The following DNAI1 variants were observed in gnomAD, a reference collection of about 807,000 sequenced individuals.
DNAI1 encodes the protein dynein, axonemal, intermediate polypeptide 1.
DNAI1 carries 67 observed loss-of-function variants against 92.0 expected under a neutral mutation model. The ratio of observed to expected loss-of-function variants is 0.73; its 90% CI spans 0.60 to 0.89. The LOEUF (loss-of-function observed/expected upper bound fraction) is 0.89, where lower values mean the gene tolerates loss of function less well. DNAI1 is among the 40% of genes least tolerant of loss of function. The pLI, the probability that DNAI1 is intolerant of heterozygous loss-of-function variation, is 0.00. For synonymous variants in DNAI1, 323 were observed against 319.6 expected, an observed-to-expected ratio of 1.01 and a Z score of -0.11; for missense variants, 839 against 866.6, an observed-to-expected ratio of 0.97 and a Z score of 0.40.
Position 34,500,760 on chromosome 9 carries a change from G to A in DNAI1, c.940G>A (p.Asp314Asn). The change falls in exon 11 of 20, where the codon GAC becomes AAC. Residue 314 changes from aspartate (D) to asparagine (N), a missense_variant. Coordinates refer to ENST00000242317, the MANE Select transcript of DNAI1 (RefSeq NM_012144.4). ...YYDDAADEYR[D>N]QVGTLLPLWK... ...TGACGATGCTGCTGATGAATACCGGGACCAGGTGGGTACCCTGCTGCCGCT... is the reference window on the plus strand; with the variant it reads ...TGACGATGCTGCTGATGAATACCGGAACCAGGTGGGTACCCTGCTGCCGCT... The A allele has an allele frequency of 2.5e-6, 4 of 1,614,020 alleles. No homozygotes were observed. Among genetic ancestry groups the A allele is most frequent in the South Asian group, 2.2e-5 (2 of 91,058 alleles).
chr9:34,467,694 G>T (rs1475958775), intron 1 of DNAI1, among the ~76,000 whole-genome samples: 4 of 150,444 alleles, frequency 2.7e-5, no homozygotes, highest in Non-Finnish European at 5.9e-5. Flanking sequence ...TGATTTAGGG[G>T]ATTTATATTC....
intron 13 of DNAI1, 100 bp downstream of exon 13, chr9:34,506,974 GGA>G: frequency 6.6e-7 from 1 of 1,518,048 alleles, no homozygotes; most frequent in African/African-American, 1.4e-5. Context: ...CCACAGGCAA[GGA>G]GATGAGGATG....
intron 10 of DNAI1, 87 bp from the exon 11 acceptor site, chr9:34,500,635 C>T (rs2132071863): frequency 1.2e-6 from 1 of 850,404 alleles, no homozygotes; most frequent in Non-Finnish European, 2.0e-6. Flanking sequence ...CATTGTTTTG[C>T]CCAAGGAGGT....
chr9:34,477,922 CTCTTT>C (rs540729483), intron 1 of DNAI1, among the ~76,000 whole-genome samples: 7,611 of 86,478 alleles, frequency 0.088, 181 homozygotes, highest in Non-Finnish European at 0.092. Flanking sequence ...CTCTCTCTCT[CTCTTT>C]TTTTTTTTTT....
chr9:34,489,572 G>C lies in DNAI1; in HGVS notation c.388+123G>C, dbSNP rs539659348. The C allele has an allele frequency of 4.9e-6, 6 of 1,234,814 alleles. No individual in the cohort carries two copies. The African/African-American group carries it at 8.9e-5, about 18-fold the overall frequency. The allele number at this position is 1,234,814 out of a possible 1,614,324, so 76.5% of individuals were successfully genotyped here. On this transcript the variant is annotated intron_variant, in intron 5 of 19. Transcript: ENST00000242317. ...CTTCTGCTAACATAAACTCCAGGCC[G>C]GGCAGGGTGGTTCTTGCCTATAATC...
intron 9 of DNAI1, among the ~76,000 whole-genome samples, chr9:34,493,827 T>A (rs375513804): frequency 6.6e-6 from 1 of 152,102 alleles, no homozygotes; most frequent in Non-Finnish European, 1.5e-5. Flanking sequence ...GCTAGGCCAA[T>A]GGATTTGGCC....
chr9:34,468,795 C>T (rs549780184), intron 1 of DNAI1, among the ~76,000 whole-genome samples: 1 of 149,912 alleles, frequency 6.7e-6, no homozygotes, highest in Non-Finnish European at 1.5e-5. Flanking sequence ...CACTGCAAAG[C>T]AGTCTGGGTG....
Position 34,506,827 on chromosome 9 carries a change from T to C in DNAI1, c.1264T>C (p.Phe422Leu), listed in dbSNP as rs1256336794. The C allele has an allele frequency of 8.1e-6, 13 of 1,612,660 alleles. No individual in the cohort carries two copies. In the Middle Eastern group the frequency reaches 6.6e-4, roughly 82 times the overall value. The part of the protein sequence containing the change: ...NLKKPHSQPS[F>L]CSSAKSGKHS... ...CAAGAAGCCCCACTCCCAGCCCTCCTTCTGCAGCTCAGCCAAGTCTGGCAA... is the reference window on the plus strand; with the variant it reads ...CAAGAAGCCCCACTCCCAGCCCTCCCTCTGCAGCTCAGCCAAGTCTGGCAA... The change falls in exon 13 of 20, where the codon TTC (phenylalanine) becomes CTC (leucine). Residue 422 changes from phenylalanine (F) to leucine (L), a missense_variant. Coordinates refer to ENST00000242317, the MANE Select transcript of DNAI1 (RefSeq NM_012144.4).
rs1011251000 is a variant in DNAI1, at chr9:34,513,017, G to C, written c.1490-95G>C. The C allele has an allele frequency of 4.0e-6, 4 of 989,634 alleles. No homozygotes were observed. In the African/African-American group the frequency reaches 6.4e-5, roughly 16 times the overall value. 61.3% of individuals were successfully genotyped at this position (989,634 alleles called of 1,614,324 possible). A position where few individuals can be genotyped will look rare whatever the true frequency, so the allele number is the denominator to read the frequency against. ...TGTCCTGCGCTGAGTCCTGCGCTGA[G>C]AGTGCCTGGGCTGAGCTCCTCTGCT... On this transcript the variant is annotated intron_variant, in intron 15 of 19. Coordinates refer to ENST00000242317, the MANE Select transcript of DNAI1 (RefSeq NM_012144.4).
At position 34,493,224 on chromosome 9, in the gene DNAI1, C is replaced by G. The variant is rs1275461623; in HGVS notation, c.712C>G (p.Leu238Val). The G allele has an allele frequency of 3.1e-6, 5 of 1,614,154 alleles. No individual in the cohort carries two copies. Among genetic ancestry groups the G allele is most frequent in the African/African-American group, 1.3e-5 (1 of 75,024 alleles). The change falls in exon 9 of 20, where the codon CTT (leucine) becomes GTT (valine). Residue 238 changes from leucine (L) to valine (V), a missense_variant. By Grantham distance (32) the Leu-to-Val change is conservative. Coordinates refer to ENST00000242317, the MANE Select transcript of DNAI1 (RefSeq NM_012144.4). ...WEIYDAYVEE[L>V]EKQEKTKEKE... ...GATCTATGATGCCTATGTAGAGGAA[C>G]TTGAGAAGCAGGAAAAGACCAAAGA...
At chr9:34,491,375 G>T in intron 7 of DNAI1, 120 bp from the exon 8 acceptor site, 1 of 996,666 alleles carries the variant, frequency 1.0e-6, no homozygotes. Context: ...TACTTCCCCA[G>T]CTCTGTGTCC....
At chr9:34,505,338 C>A (rs1824904183) in intron 12 of DNAI1, among the ~76,000 whole-genome samples, 2 of 152,138 alleles carry the variant, frequency 1.3e-5, no homozygotes, top group African/African-American at 4.8e-5. Context: ...ACATCTGCTT[C>A]TATGGTTACA....
At chr9:34,510,030 C>G (rs1335334635) in intron 13 of DNAI1, among the ~76,000 whole-genome samples, 1 of 152,212 alleles carries the variant, frequency 6.6e-6, no homozygotes, top group African/African-American at 2.4e-5. Flanking sequence ...GAAGGAAAGC[C>G]AGGCTGGTGA....
rs541572496 is a variant in DNAI1, at chr9:34,520,761, C to A, written c.*5C>A. ...GAAGTGAAAATCAAGACCTGAGGGG[C>A]TGGCCTCAGTCTCTGTCCCATCGCT... On this transcript the variant is annotated 3_prime_UTR_variant, in exon 20 of 20. Coordinates refer to ENST00000242317, the MANE Select transcript of DNAI1 (RefSeq NM_012144.4). 3.9e-6 allele frequency: 6 copies of A among 1,551,372 alleles called. No homozygotes were observed. Among genetic ancestry groups the A allele is most frequent in the African/African-American group, 1.4e-5 (1 of 73,012 alleles).
At chr9:34,496,431 C>T (rs116780052) in intron 9 of DNAI1, among the ~76,000 whole-genome samples, 1,562 of 152,352 alleles carry the variant, frequency 0.01, 29 homozygotes, top group African/African-American at 0.036. Flanking sequence ...TTCTGTCAAC[C>T]TGCCAAGCAC....
intron 1 of DNAI1, among the ~76,000 whole-genome samples, chr9:34,461,035 GT>G (rs1489131132): frequency 6.6e-6 from 1 of 152,106 alleles, no homozygotes; most frequent in Non-Finnish European, 1.5e-5. Flanking sequence ...TAGAGACAGG[GT>G]TTCACTGTGT....
chr9:34,500,675 C>T, intron 10 of DNAI1, 47 bp from the exon 11 acceptor site: 1 of 1,419,676 alleles, frequency 7.0e-7, no homozygotes, highest in African/African-American at 1.4e-5. Flanking sequence ...CCTGGGTTTG[C>T]CATAAAGCGG....
At chr9:34,483,512 A>G in intron 2 of DNAI1, 32 bp downstream of exon 2, 2 of 1,602,614 alleles carry the variant, frequency 1.2e-6, no homozygotes, top group African/African-American at 1.3e-5. Flanking sequence ...GTCTCTCAGC[A>G]AGATGCTAAT....
intron 1 of DNAI1, among the ~76,000 whole-genome samples, chr9:34,480,796 A>G (rs1434358124): frequency 1.3e-5 from 2 of 151,636 alleles, no homozygotes; most frequent in Non-Finnish European, 1.5e-5. Flanking sequence ...AATACAAAAA[A>G]TAGGCTGGGT....
Sources: gnomAD v4.1 joint callset for allele counts (sites outside exome capture counted in the v4.1 genomes callset) on GRCh38, gnomAD v4.1.1 for gene constraint, MANE v1.5 for transcripts, NCBI Gene and HGNC (gene_info 2026-07-23, HGNC 2026-07-21) for gene names.